Variants in EPHA6 observed in about 807,000 individuals in gnomAD.
EPHA6 encodes the protein EPH receptor A6.
EPHA6 carries 50 observed loss-of-function variants against 112.0 expected under a neutral mutation model. The ratio of observed to expected loss-of-function variants is 0.45; its 90% CI spans 0.36 to 0.56. The LOEUF (loss-of-function observed/expected upper bound fraction) is 0.56. Ranked by LOEUF, EPHA6 falls within the 20% of genes least tolerant of loss-of-function variation. EPHA6 has a pLI of 0.00. For synonymous variants in EPHA6, 529 were observed against 490.7 expected (o/e 1.08, Z -1.03); for missense variants, 1,280 against 1,417.4 (o/e 0.90, Z 1.56).
chr3:96,847,642 C>A (rs181872358), intron 1 of EPHA6, among the ~76,000 whole-genome samples: 2 of 152,116 alleles, frequency 1.3e-5, no homozygotes, highest in Non-Finnish European at 1.5e-5. Flanking sequence ...GGGTTGTAAT[C>A]TTTAAGAAGA....
intron 3 of EPHA6, among the ~76,000 whole-genome samples, chr3:97,009,234 G>A (rs1409121056): frequency 6.6e-6 from 1 of 152,140 alleles, no homozygotes; most frequent in Non-Finnish European, 1.5e-5. Flanking sequence ...CTGCTCTACA[G>A]AGACCGTTGG....
chr3:97,432,031 C>A (rs1406629010), intron 6 of EPHA6, among the ~76,000 whole-genome samples: 1 of 152,092 alleles, frequency 6.6e-6, no homozygotes, highest in Non-Finnish European at 1.5e-5. Context: ...CAGAAACAGG[C>A]AACTGACTTA....
At position 97,757,039 on chromosome 3, in the gene EPHA6, G is replaced by A. The variant is rs1209137152; in HGVS notation, c.*8338G>A. On this transcript the variant is annotated 3_prime_UTR_variant, in exon 18 of 18. Coordinates refer to ENST00000389672, the MANE Select transcript of EPHA6 (RefSeq NM_001080448.3). ...TCTTAAAATGTTAATTATGGTATAC[G>A]TGCTATAGTAACCTCATTTTTTAAA... 2.0e-5 allele frequency among the ~76,000 whole-genome samples: 3 copies of A among 151,648 alleles called. No individual in the cohort carries two copies. The highest frequency in any genetic ancestry group is 3.0e-5 in the Non-Finnish European group (2 of 67,712).
At chr3:96,858,507 TTG>T (rs1421132494) in intron 1 of EPHA6, among the ~76,000 whole-genome samples, 2 of 152,152 alleles carry the variant, frequency 1.3e-5, no homozygotes, top group Non-Finnish European at 2.9e-5. Flanking sequence ...GAAAAATTGC[TTG>T]TGTGTCGTGA....
intron 3 of EPHA6, among the ~76,000 whole-genome samples, chr3:96,995,525 A>T (rs545210080): frequency 6.6e-6 from 1 of 152,242 alleles, no homozygotes; most frequent in South Asian, 2.1e-4. Flanking sequence ...AATAGAAGGT[A>T]TTATTTCCAA....
intron 2 of EPHA6, among the ~76,000 whole-genome samples, chr3:96,914,020 T>C (rs1306107134): frequency 6.6e-6 from 1 of 152,248 alleles, no homozygotes; most frequent in East Asian, 1.9e-4. Context: ...ATGTTAAATA[T>C]GCGCCTAACG....
chr3:97,481,369 A>C, intron 9 of EPHA6: 10 of 1,535,148 alleles, frequency 6.5e-6, no homozygotes, highest in Non-Finnish European at 9.0e-6. Flanking sequence ...TATTCTGAGA[A>C]GGAGTTTCTA....
At chr3:97,473,397 G>C (rs2091282788) in intron 7 of EPHA6, among the ~76,000 whole-genome samples, 1 of 151,672 alleles carries the variant, frequency 6.6e-6, no homozygotes, top group African/African-American at 2.4e-5. Flanking sequence ...CATATTTGTA[G>C]AATTAGCAGT....
At chr3:97,270,328 A>G (rs778626041) in intron 5 of EPHA6, among the ~76,000 whole-genome samples, 35 of 152,220 alleles carry the variant, frequency 2.3e-4, no homozygotes, top group Non-Finnish European at 4.6e-4. Flanking sequence ...ATGTTGGTAA[A>G]GAATCTCCTT....
intron 5 of EPHA6, among the ~76,000 whole-genome samples, chr3:97,323,856 C>T (rs2082238193): frequency 1.3e-5 from 2 of 151,908 alleles, no homozygotes; most frequent in South Asian, 4.2e-4. Context: ...TGAAACAGAG[C>T]TGAGAAACAA....
intron 11 of EPHA6, among the ~76,000 whole-genome samples, chr3:97,587,809 G>C (rs1257747088): frequency 6.6e-6 from 1 of 152,116 alleles, no homozygotes; most frequent in Non-Finnish European, 1.5e-5. Context: ...GAATATCCAA[G>C]GTTGGACACC....
chr3:97,544,021 A>G (rs1418672148), intron 11 of EPHA6, among the ~76,000 whole-genome samples: 2 of 152,172 alleles, frequency 1.3e-5, no homozygotes, highest in African/African-American at 4.8e-5. Context: ...TGGATATACA[A>G]TCATGTCATC....
Position 97,108,267 on chromosome 3 carries a change from C to T in EPHA6, c.1115-117997C>T, listed in dbSNP as rs116177237. ...ATGAAAACAATATGCTGGTTATTAT[C>T]AATAGTTAAAACCAACTGGATAGCA... On this transcript the variant is annotated intron_variant, in intron 3 of 17. Coordinates refer to ENST00000389672, the MANE Select transcript of EPHA6 (RefSeq NM_001080448.3). Among the ~76,000 whole-genome samples, 955 of 152,240 alleles carry T rather than the reference C, an allele frequency of 6.3e-3. 7 individuals are homozygous for T. The highest frequency in any genetic ancestry group is 0.022 in the African/African-American group (913 of 41,566).
intron 5 of EPHA6, among the ~76,000 whole-genome samples, chr3:97,282,823 C>T (rs974756018): frequency 2.6e-5 from 4 of 152,152 alleles, no homozygotes; most frequent in African/African-American, 9.7e-5. Flanking sequence ...ACAACACACA[C>T]CGGGGCCTAT....
intron 10 of EPHA6, among the ~76,000 whole-genome samples, chr3:97,525,790 GTGGGTCCCATTTGGTTTC>G (rs2092610117): frequency 6.6e-6 from 1 of 152,186 alleles, no homozygotes; most frequent in Admixed American, 6.5e-5. Flanking sequence ...TGTAGTTGGT[GTGGGTCCCATTTGGTTTC>G]TGGGCAGACT....
chr3:97,613,478 G>A (rs1339352124), intron 13 of EPHA6, among the ~76,000 whole-genome samples: 1 of 152,078 alleles, frequency 6.6e-6, no homozygotes, highest in African/African-American at 2.4e-5. Flanking sequence ...ATGAAGGAGT[G>A]GTAGCACTAC....
chr3:97,010,143 G>A, intron 3 of EPHA6: 1 of 1,213,576 alleles, frequency 8.2e-7, no homozygotes, highest in Middle Eastern at 3.1e-4. Flanking sequence ...AATTTGTTTT[G>A]TTTTTATTTT....
intron 14 of EPHA6, among the ~76,000 whole-genome samples, chr3:97,674,282 G>T (rs189052250): frequency 1.3e-5 from 2 of 152,202 alleles, no homozygotes; most frequent in South Asian, 2.1e-4. Flanking sequence ...GGCTACATTG[G>T]TTACACCTGC....
intron 14 of EPHA6, among the ~76,000 whole-genome samples, chr3:97,669,548 G>T (rs1301264610): frequency 1.3e-5 from 2 of 150,728 alleles, no homozygotes; most frequent in Non-Finnish European, 2.9e-5. Flanking sequence ...GATTGCTTGA[G>T]CTCAGGAGTT....
Sources: gnomAD v4.1 joint callset for allele counts (sites outside exome capture counted in the v4.1 genomes callset) on GRCh38, gnomAD v4.1.1 for gene constraint, MANE v1.5 for transcripts, NCBI Gene and HGNC (gene_info 2026-07-23, HGNC 2026-07-21) for gene names.